The following SERPINB8 variants were observed in gnomAD, a reference collection of about 807,000 sequenced individuals.
SERPINB8 encodes the protein serpin B8.
Under a neutral mutation model 35.3 loss-of-function variants are expected in SERPINB8, and 25 were observed. The observed-to-expected ratio is 0.71, with a 90% CI of 0.52 to 0.99. The LOEUF (loss-of-function observed/expected upper bound fraction) is 0.99, where lower values mean the gene tolerates loss of function less well. SERPINB8 is among the 50% of genes least tolerant of loss of function. The pLI, the probability that SERPINB8 is intolerant of heterozygous loss-of-function variation, is 0.00. For missense variants in SERPINB8, 484 were observed against 446.5 expected, an observed-to-expected ratio of 1.08 and a Z score of -0.76; for synonymous variants, 186 against 160.8, an observed-to-expected ratio of 1.16 and a Z score of -1.19.
chr18:63,970,196 C>A, intron 1 of SERPINB8, 26 bp downstream of exon 1: 1 of 292,690 alleles, frequency 3.4e-6, no homozygotes, highest in Non-Finnish European at 6.7e-6. Flanking sequence ...AGGTACCGGG[C>A]GGGGCAGGCA....
chr18:64,018,063 C>T (rs2050958760), intron 7 of SERPINB8, among the ~76,000 whole-genome samples: 1 of 152,138 alleles, frequency 6.6e-6, no homozygotes, highest in African/African-American at 2.4e-5. Context: ...CTTGGTGTCG[C>T]CATTAGCCTG....
chr18:63,997,148 G>T (rs2050853842), intron 1 of SERPINB8, among the ~76,000 whole-genome samples: 1 of 152,220 alleles, frequency 6.6e-6, no homozygotes, highest in African/African-American at 2.4e-5. Context: ...TCAGCTGAAA[G>T]GGAGTCAGCC....
chr18:63,996,778 A>T (rs1208656950), intron 1 of SERPINB8, among the ~76,000 whole-genome samples: 1 of 152,260 alleles, frequency 6.6e-6, no homozygotes, highest in African/African-American at 2.4e-5. Flanking sequence ...GGCAAGTGGC[A>T]CAACATCTCG....
intron 6 of SERPINB8, chr18:63,986,150 A>G (rs1378212999): frequency 3.0e-5 from 28 of 943,356 alleles, no homozygotes; most frequent in Non-Finnish European, 3.6e-5. Flanking sequence ...AATCAAAACA[A>G]TGCTCGTTGG....
chr18:64,001,012 C>A (rs1256577478), intron 1 of SERPINB8, among the ~76,000 whole-genome samples: 1 of 152,180 alleles, frequency 6.6e-6, no homozygotes, highest in Non-Finnish European at 1.5e-5. Context: ...GATGAAATAA[C>A]CTTCTTCATC....
At chr18:63,978,588 G>A in intron 2 of SERPINB8, 112 bp downstream of exon 2, 1 of 1,258,514 alleles carries the variant, frequency 7.9e-7, no homozygotes, top group Non-Finnish European at 1.1e-6. Context: ...GGAGGTAGAA[G>A]GAGGAGCAGC....
rs1555716935 is a variant in SERPINB8, at chr18:64,001,475, G to GTTTGTTTA, written c.71-3341_71-3340insGTTTATTT. ...TCTTTTCTTTTCTGTTTGTTTGTTT[G>GTTTGTTTA]TTTATTTATTTATTTATTTATTTAT... On this transcript the variant is annotated intron_variant, in intron 1 of 1. Transcript: ENST00000493661. Among the ~76,000 whole-genome samples, 1,161 of 146,892 alleles carry GTTTGTTTA rather than the reference G, an allele frequency of 7.9e-3. 15 individuals are homozygous for GTTTGTTTA. The highest frequency in any genetic ancestry group is 0.02 in the African/African-American group (761 of 38,042).
intron 5 of SERPINB8, among the ~76,000 whole-genome samples, chr18:63,984,807 G>A (rs530515290): frequency 6.6e-6 from 1 of 151,930 alleles, no homozygotes; most frequent in Non-Finnish European, 1.5e-5. Flanking sequence ...CTCTGTGAAT[G>A]TTCTCAAAAA....
chr18:63,981,993 G>A (rs904743819), intron 4 of SERPINB8, among the ~76,000 whole-genome samples, 155 bp downstream of exon 4: 1 of 152,188 alleles, frequency 6.6e-6, no homozygotes, highest in Non-Finnish European at 1.5e-5. Flanking sequence ...ATGCAACTCT[G>A]TCATTTCTTA....
intron 1 of SERPINB8, among the ~76,000 whole-genome samples, chr18:63,976,376 G>A (rs972956131): frequency 2.0e-5 from 3 of 152,100 alleles, no homozygotes; most frequent in Admixed American, 6.5e-5. Flanking sequence ...TATAATAATA[G>A]TAAACTGTAA....
chr18:63,975,760 AAT>A (rs2050571672), intron 1 of SERPINB8, among the ~76,000 whole-genome samples: 1 of 152,200 alleles, frequency 6.6e-6, no homozygotes, highest in Non-Finnish European at 1.5e-5. Flanking sequence ...TCTGTTGAAA[AAT>A]ATCTTAGGAG....
rs140175738 is a variant in SERPINB8 at position 63,995,691 on chromosome 18, C to G, written c.71-9128C>G. On this transcript the variant is annotated intron_variant, in intron 1 of 1. Transcript: ENST00000493661. ...TGTCGCCTAGGCCATTGTATCCCCACCTGCTTTAGAGAGGAAAAAAATAAC... is the reference window on the plus strand; with the variant it reads ...TGTCGCCTAGGCCATTGTATCCCCAGCTGCTTTAGAGAGGAAAAAAATAAC... Among the ~76,000 whole-genome samples the G allele has an allele frequency of 2.0e-3, 298 of 152,314 alleles. 1 individual carries two copies. Among genetic ancestry groups the G allele is most frequent in the African/African-American group, 6.8e-3 (281 of 41,562 alleles).
downstream of SERPINB8, among the ~76,000 whole-genome samples, chr18:63,989,565 C>T (rs578248429): frequency 1.3e-5 from 2 of 152,286 alleles, no homozygotes; most frequent in Admixed American, 1.3e-4. Flanking sequence ...CTCACCAATA[C>T]TTGGTACTAC....
chr18:64,014,092 A>G (rs2098596665), intron 7 of SERPINB8, among the ~76,000 whole-genome samples: 1 of 152,210 alleles, frequency 6.6e-6, no homozygotes, highest in Admixed American at 6.5e-5. Context: ...AGGCAAAAAT[A>G]GAAACAAGAA....
At chr18:63,983,846 A>G (rs1430151596) in intron 5 of SERPINB8, 125 bp downstream of exon 5, 21 of 672,146 alleles carry the variant, frequency 3.1e-5, no homozygotes, top group Non-Finnish European at 4.7e-5. Context: ...GAATTATATT[A>G]TATTATTTTA....
intron 2 of SERPINB8, among the ~76,000 whole-genome samples, chr18:63,978,771 C>T (rs1399628710): frequency 6.6e-6 from 1 of 152,160 alleles, no homozygotes; most frequent in Admixed American, 6.5e-5. Context: ...ATAATTCTGT[C>T]CCACAAGAAA....
intron 1 of SERPINB8, among the ~76,000 whole-genome samples, chr18:63,972,192 C>T (rs1013420802): frequency 1.3e-5 from 2 of 152,166 alleles, no homozygotes; most frequent in African/African-American, 4.8e-5. Context: ...ACATCCGCTT[C>T]CCTCCCCTCT....
intron 2 of SERPINB8, among the ~76,000 whole-genome samples, chr18:63,979,377 T>C (rs2050633233): frequency 6.6e-6 from 1 of 152,238 alleles, no homozygotes; most frequent in African/African-American, 2.4e-5. Context: ...TACTTTTTTC[T>C]GTTCTGCCTT....
At chr18:63,990,528 T>TA (rs2050819445), downstream of SERPINB8, among the ~76,000 whole-genome samples, 1 of 152,238 alleles carries the variant, frequency 6.6e-6, no homozygotes, top group Admixed American at 6.5e-5. Context: ...TTTATTTTTT[T>TA]ACTATACTTT....
Sources: allele counts gnomAD v4.1 joint callset (sites outside exome capture counted in the v4.1 genomes callset), GRCh38; gene constraint gnomAD v4.1.1; transcripts MANE v1.5; gene names NCBI Gene and HGNC (gene_info 2026-07-23, HGNC 2026-07-21).